TET2: variants seen among roughly 807,000 people sequenced by gnomAD.
TET2 encodes tet methylcytosine dioxygenase 2.
TET2 carries 299 observed loss-of-function variants against 142.9 expected under a neutral mutation model. The ratio of observed to expected loss-of-function variants is 2.09; its 90% CI spans 1.90 to 2.30. The LOEUF (loss-of-function observed/expected upper bound fraction) is 2.30. TET2 is among the 30% of genes most tolerant of loss of function. The pLI is 0.00. For missense variants in TET2, 2,418 were observed against 2,378.0 expected, an observed-to-expected ratio of 1.02 and a Z score of -0.35; for synonymous variants, 819 against 849.0, an observed-to-expected ratio of 0.96 and a Z score of 0.61.
chr4:105,185,469 A>G (rs1284258190), intron 1 of TET2, among the ~76,000 whole-genome samples: 107 of 152,270 alleles, frequency 7.0e-4, no homozygotes, highest in Non-Finnish European at 1.0e-4. Context: ...TTGCAGATAA[A>G]GTAGATAATA....
At chr4:105,213,677 C>T (rs1490694206) in intron 2 of TET2, among the ~76,000 whole-genome samples, 1 of 152,176 alleles carries the variant, frequency 6.6e-6, no homozygotes, top group Non-Finnish European at 1.5e-5. Flanking sequence ...ACCAAAAGCC[C>T]TTCATTTGGA....
At chr4:105,168,178 T>TA in intron 1 of TET2, among the ~76,000 whole-genome samples, 1 of 152,274 alleles carries the variant, frequency 6.6e-6, no homozygotes, top group Non-Finnish European at 1.5e-5. Flanking sequence ...ATTTAAAAAT[T>TA]AAGTCAGGTC....
intron 1 of TET2, among the ~76,000 whole-genome samples, chr4:105,147,218 C>T (rs1222911400): frequency 1.3e-5 from 2 of 152,278 alleles, no homozygotes; most frequent in Non-Finnish European, 2.9e-5. Context: ...TAATGCTCGT[C>T]CCCTCATCTC....
intron 1 of TET2, among the ~76,000 whole-genome samples, chr4:105,188,968 T>G (rs1725624170): frequency 6.6e-6 from 1 of 152,120 alleles, no homozygotes; most frequent in Non-Finnish European, 1.5e-5. Flanking sequence ...CATAATTTTT[T>G]TTAATATACT....
intron 1 of TET2, among the ~76,000 whole-genome samples, chr4:105,151,868 A>G (rs1050224275): frequency 6.6e-6 from 1 of 152,128 alleles, no homozygotes; most frequent in Non-Finnish European, 1.5e-5. Flanking sequence ...TGAGGTCAGG[A>G]GTTTGAGACC....
At chr4:105,182,770 T>C (rs1238529372) in intron 1 of TET2, among the ~76,000 whole-genome samples, 1 of 152,172 alleles carries the variant, frequency 6.6e-6, no homozygotes, top group East Asian at 1.9e-4. Flanking sequence ...TATACTATAG[T>C]GTAAAATTTT....
rs538953662 is a variant in TET2 at position 105,240,828 on chromosome 4, T to C, written c.3410-511T>C. 1.5e-4 allele frequency: 158 copies of C among 1,079,538 alleles called. 2 individuals are homozygous for C. In the South Asian group the frequency reaches 6.5e-3, roughly 44 times the overall value. The allele number at this position is 1,079,538 out of a possible 1,614,324, so 66.9% of individuals were successfully genotyped here. A position where few individuals can be genotyped will look rare whatever the true frequency, so the allele number is the denominator to read the frequency against. On this transcript the variant is annotated intron_variant, in intron 3 of 10. Coordinates refer to ENST00000380013, the MANE Select transcript of TET2 (RefSeq NM_001127208.3). ...TATGGGTCTGGATTGACTATTCTTA[T>C]TTGCAAAACAGCAATTAAATGTTAT...
In TET2 at chr4:105,234,310, G is replaced by GT; in HGVS notation, c.369dup (p.Asn124Ter). The GT allele has an allele frequency of 1.9e-6, 3 of 1,614,088 alleles. No homozygotes were observed. Among genetic ancestry groups the GT allele is most frequent in the Non-Finnish European group, 2.5e-6 (3 of 1,180,004 alleles). On this transcript the variant is annotated frameshift_variant, in exon 3 of 11. Transcript: ENST00000380013. LOFTEE classifies it high-confidence loss of function. ...GACCAAAAGGCTAATGGAGAAAGAC[G>GT]TAACTTCGGGGTAAGCCAAGAAAGA... is the stretch of plus-strand genomic sequence containing the variant.
At chr4:105,241,314 TA>T in intron 3 of TET2, 24 bp from the exon 4 acceptor site, 2 of 1,529,612 alleles carry the variant, frequency 1.3e-6, no homozygotes, top group Non-Finnish European at 1.8e-6. Flanking sequence ...AGGTCTAAAA[TA>T]ATAATCTTCT....
At chr4:105,176,740 A>G (rs1213330947) in intron 1 of TET2, among the ~76,000 whole-genome samples, 1 of 152,186 alleles carries the variant, frequency 6.6e-6, no homozygotes, top group East Asian at 1.9e-4. Flanking sequence ...ACACAGCACG[A>G]TATTTTATGG....
chr4:105,200,231 G>A (rs557423599), intron 2 of TET2, among the ~76,000 whole-genome samples: 3 of 152,040 alleles, frequency 2.0e-5, no homozygotes, highest in African/African-American at 4.8e-5. Flanking sequence ...AATAATAGCC[G>A]TCCTGACTGG....
chr4:105,148,172 A>G (rs559505663), intron 1 of TET2, among the ~76,000 whole-genome samples: 1 of 152,148 alleles, frequency 6.6e-6, no homozygotes, highest in Admixed American at 6.5e-5. Flanking sequence ...TTTTCTACCT[A>G]TGACATAATG....
rs1334370179 is a variant in TET2 at position 105,235,275 on chromosome 4, CT to C, written c.1337del (p.Leu446Ter). 6 of 1,614,088 alleles carry C rather than the reference CT, an allele frequency of 3.7e-6. No individual in the cohort carries two copies. Among genetic ancestry groups the C allele is most frequent in the South Asian group, 1.1e-5 (1 of 91,084 alleles). ...HHYPNQSNTT[L>X]LREVKIEGKP... ...CTACCCCAACCAAAGTAACACAACACTTTTAAGGGAAGTGAAAATAGAGGGT... is the reference window on the plus strand; with the variant it reads ...CTACCCCAACCAAAGTAACACAACACTTTAAGGGAAGTGAAAATAGAGGGT... On this transcript the variant is annotated frameshift_variant, in exon 3 of 11. Coordinates refer to ENST00000380013, the MANE Select transcript of TET2 (RefSeq NM_001127208.3). LOFTEE classifies it high-confidence loss of function.
intron 8 of TET2, among the ~76,000 whole-genome samples, chr4:105,263,770 G>A (rs867245142): frequency 2.6e-5 from 4 of 152,114 alleles, no homozygotes; most frequent in African/African-American, 7.2e-5. Flanking sequence ...CTGATGATGG[G>A]ATTCTGGAGC....
In TET2 at chr4:105,241,508, A is replaced by G. The variant is rs1729296367; in HGVS notation, c.3500+79A>G. On this transcript the variant is annotated intron_variant, in intron 4 of 10. Transcript: ENST00000380013. ...AGAATTTTTCCAGCCTTCACACACA[A>G]AGCAGTAAACAATTGTAAATTGAGT... The G allele has an allele frequency of 6.0e-6, 9 of 1,497,946 alleles. No homozygotes were observed. In the African/African-American group the frequency reaches 8.5e-5, roughly 14 times the overall value. 92.8% of individuals were successfully genotyped at this position (1,497,946 alleles called of 1,614,324 possible).
chr4:105,160,973 A>G (rs1316912289), intron 1 of TET2, among the ~76,000 whole-genome samples: 1 of 152,128 alleles, frequency 6.6e-6, no homozygotes, highest in Non-Finnish European at 1.5e-5. Context: ...GCGGGGTTTT[A>G]CCATCTTGGT....
At chr4:105,230,713 A>C (rs972980542) in intron 2 of TET2, among the ~76,000 whole-genome samples, 3 of 152,184 alleles carry the variant, frequency 2.0e-5, no homozygotes, top group Non-Finnish European at 4.4e-5. Context: ...ATATGTTAAG[A>C]AAAGTTTTAT....
At chr4:105,228,857 A>G (rs897898623) in intron 2 of TET2, among the ~76,000 whole-genome samples, 2 of 152,142 alleles carry the variant, frequency 1.3e-5, no homozygotes, top group African/African-American at 4.8e-5. Context: ...AAGACTACAA[A>G]TCAATTTTCA....
intron 1 of TET2, among the ~76,000 whole-genome samples, chr4:105,168,908 GC>G (rs1398234975): frequency 6.6e-6 from 1 of 152,126 alleles, no homozygotes; most frequent in African/African-American, 2.4e-5. Context: ...CACTGCAAAT[GC>G]CATTAATTCA....
Sources: allele counts gnomAD v4.1 joint callset (sites outside exome capture counted in the v4.1 genomes callset), GRCh38; gene constraint gnomAD v4.1.1; transcripts MANE v1.5; gene names NCBI Gene and HGNC (gene_info 2026-07-23, HGNC 2026-07-21).